Variants in KIAA1586 observed in about 807,000 individuals in gnomAD.
The protein encoded by KIAA1586 is KIAA1586.
Under a neutral mutation model 6.1 loss-of-function variants are expected in KIAA1586, and 5 were observed. That is an observed-to-expected ratio of 0.82 (90% CI 0.43 to 1.73). The LOEUF is 1.73. Among genes scored for constraint, KIAA1586 ranks in the 40% most tolerant of loss-of-function variants. The probability of loss-of-function intolerance (pLI) is 0.02; values close to 1 mark genes in which losing one functional copy is unlikely to be tolerated. For missense variants in KIAA1586, 899 were observed against 878.2 expected (o/e 1.02, Z -0.30); for synonymous variants, 280 against 301.7 (o/e 0.93, Z 0.75).
chr6:57,056,562 G>T, downstream of KIAA1586, among the ~76,000 whole-genome samples: 1 of 150,136 alleles, frequency 6.7e-6, no homozygotes, highest in Non-Finnish European at 1.5e-5. Context: ...TTTTTGGATG[G>T]GAGAGGGGAG....
Position 57,054,072 on chromosome 6 carries a change from G to C in KIAA1586, c.1573G>C (p.Asp525His). Residue 525 changes from aspartate (D) to histidine (H), a missense_variant, in exon 4 of 4, where the codon GAC becomes CAC. Asp to His is a moderately conservative substitution (Grantham distance 81). Coordinates refer to ENST00000370733, the MANE Select transcript of KIAA1586 (RefSeq NM_020931.4). ...KRLANINFLQ[D>H]LALMIDILEE... ...ATTAGCTAACATTAATTTCTTACAA[G>C]ACCTTGCTTTAATGATTGACATTCT... is the stretch of plus-strand genomic sequence containing the variant. The C allele has an allele frequency of 6.2e-7, 1 of 1,610,958 alleles. No individual in the cohort carries two copies. The highest frequency in any genetic ancestry group is 1.3e-5 in the African/African-American group (1 of 74,864).
the KIAA1586 span, among the ~76,000 whole-genome samples, chr6:57,061,864 A>G: frequency 6.6e-6 from 1 of 152,036 alleles, no homozygotes; most frequent in Admixed American, 6.5e-5. Flanking sequence ...CAAAACATAG[A>G]GGTGAAAAAG....
the KIAA1586 span, among the ~76,000 whole-genome samples, chr6:57,060,427 AT>A: frequency 6.6e-6 from 1 of 152,172 alleles, no homozygotes; most frequent in African/African-American, 2.4e-5. Context: ...GAATGTTGGG[AT>A]GTGAGCTTTT....
Position 57,051,823 on chromosome 6 carries a change from A to G in KIAA1586, c.187-863A>G, listed in dbSNP as rs564708208. Among the ~76,000 whole-genome samples, 46 of 152,190 alleles carry G rather than the reference A, an allele frequency of 3.0e-4. 1 individual carries two copies. Among genetic ancestry groups the G allele is most frequent in the Non-Finnish European group, 6.0e-4 (41 of 68,012 alleles). ...GTGGTGCATGCCTATAGTCCCAACT[A>G]ATTAGCCAGGTGTCGTGGCACGTGC... is the stretch of plus-strand genomic sequence containing the variant. On this transcript the variant is annotated intron_variant, in intron 3 of 3. Coordinates refer to ENST00000370733, the MANE Select transcript of KIAA1586 (RefSeq NM_020931.4).
At chr6:57,061,427 C>G in the KIAA1586 span, among the ~76,000 whole-genome samples, 1 of 152,138 alleles carries the variant, frequency 6.6e-6, no homozygotes, top group East Asian at 1.9e-4. Context: ...GGGTCTTACT[C>G]TGTTGCCCAG....
downstream of KIAA1586, among the ~76,000 whole-genome samples, chr6:57,058,547 G>A (rs1029379255): frequency 6.6e-6 from 1 of 152,094 alleles, no homozygotes; most frequent in South Asian, 2.1e-4. Context: ...AATAATCAAA[G>A]ACCAAAAATG....
downstream of KIAA1586, among the ~76,000 whole-genome samples, chr6:57,056,400 G>A (rs1828499251): frequency 6.6e-6 from 1 of 151,246 alleles, no homozygotes; most frequent in South Asian, 2.1e-4. Flanking sequence ...ATAGAGACGG[G>A]GTTCCACCTT....
At position 57,054,615 on chromosome 6, in the gene KIAA1586, G is replaced by A. The variant is rs1447562963; in HGVS notation, c.2116G>A (p.Glu706Lys). The stretch of plus-strand genomic sequence containing the variant: ...TAGCACCATTGCAATCAATAGTGCT[G>A]AAGCTGAAAGGGGTTTCAATTTAAT... ...IVSTIAINSA[E>K]AERGFNLMNI... Residue 706 changes from glutamate (E) to lysine (K), a missense_variant, in exon 4 of 4, where the codon GAA becomes AAA. By Grantham distance (56) the Glu-to-Lys change is moderately conservative. Coordinates refer to ENST00000370733, the MANE Select transcript of KIAA1586 (RefSeq NM_020931.4). The A allele has an allele frequency of 6.3e-7, 1 of 1,599,282 alleles. No individual in the cohort carries two copies. Among genetic ancestry groups the A allele is most frequent in the Non-Finnish European group, 8.5e-7 (1 of 1,170,768 alleles).
chr6:57,058,980 T>G (rs1006626062), downstream of KIAA1586, among the ~76,000 whole-genome samples: 1 of 152,152 alleles, frequency 6.6e-6, no homozygotes, highest in Non-Finnish European at 1.5e-5. Flanking sequence ...TTGAAAAAGA[T>G]GAATGGGATT....
At position 57,053,682 on chromosome 6, in the gene KIAA1586, A is replaced by G; in HGVS notation, c.1183A>G (p.Ile395Val). The G allele has an allele frequency of 1.2e-6, 2 of 1,611,506 alleles. No homozygotes were observed. The highest frequency in any genetic ancestry group is 1.7e-6 in the Non-Finnish European group (2 of 1,178,146). The change falls in exon 4 of 4, where the codon ATC (isoleucine) becomes GTC (valine). Residue 395 changes from isoleucine (I) to valine (V), a missense_variant. By Grantham distance (29) the Ile-to-Val change is conservative. Transcript: ENST00000370733. ...IAFCSDGANT[I>V]LGRKSGVATK... ...ATTTTGTTCTGATGGTGCTAATACA[A>G]TCCTGGGAAGAAAGTCTGGAGTAGC...
rs1276491896 is a variant in KIAA1586, at chr6:57,055,190, A to G, written c.*327A>G. ...AGCTAAGTTCTAAGCCCTGGAGGTT[A>G]TATTAAATAAAAGAGAAATGGAATA... On this transcript the variant is annotated 3_prime_UTR_variant, in exon 4 of 4. Coordinates refer to ENST00000370733, the MANE Select transcript of KIAA1586 (RefSeq NM_020931.4). 1.8e-5 allele frequency: 3 copies of G among 163,534 alleles called. No individual in the cohort carries two copies. Among genetic ancestry groups the G allele is most frequent in the Admixed American group, 1.8e-4 (3 of 16,536 alleles). 10.1% of individuals were successfully genotyped at this position (163,534 alleles called of 1,614,324 possible). A position where few individuals can be genotyped will look rare whatever the true frequency, so the allele number is the denominator to read the frequency against.
Position 57,054,012 on chromosome 6 carries a change from C to T in KIAA1586, c.1513C>T (p.His505Tyr), listed in dbSNP as rs772833430. 6.2e-7 allele frequency: 1 copy of T among 1,609,352 alleles called. No homozygotes were observed. The highest frequency in any genetic ancestry group is 2.2e-5 in the East Asian group (1 of 44,824). ...VWHAYPILYMHFSHSYSGLAK... is the reference protein window; with the variant it reads ...VWHAYPILYMYFSHSYSGLAK... ...GCATGCATATCCTATATTATATATGCATTTTTCTCATTCTTACTCTGGTTT... is the reference window on the plus strand; with the variant it reads ...GCATGCATATCCTATATTATATATGTATTTTTCTCATTCTTACTCTGGTTT... Residue 505 changes from histidine (H) to tyrosine (Y), a missense_variant, in exon 4 of 4, where the codon CAT becomes TAT. By Grantham distance (83) the His-to-Tyr change is moderately conservative. Transcript: ENST00000370733.
chr6:57,052,764 G>A lies in KIAA1586; in HGVS notation c.265G>A (p.Glu89Lys). 6.2e-7 allele frequency: 1 copy of A among 1,610,140 alleles called. No individual in the cohort carries two copies. Among genetic ancestry groups the A allele is most frequent in the Non-Finnish European group, 8.5e-7 (1 of 1,178,254 alleles). The change falls in exon 4 of 4, where the codon GAA becomes AAA. Residue 89 changes from glutamate to lysine, a missense_variant. Glu to Lys is a moderately conservative substitution (Grantham distance 56). Coordinates refer to ENST00000370733, the MANE Select transcript of KIAA1586 (RefSeq NM_020931.4). Reference protein sequence around the residue: ...LNVKKVKTDTENNEVSKNHCR... With the variant: ...LNVKKVKTDTKNNEVSKNHCR... ...TGTGAAGAAGGTGAAAACAGACACA[G>A]AAAATAATGAAGTGAGCAAAAATCA...
the KIAA1586 span, among the ~76,000 whole-genome samples, chr6:57,066,063 G>C: frequency 1.3e-5 from 2 of 151,594 alleles, no homozygotes; most frequent in Non-Finnish European, 2.9e-5. Context: ...CATCACTTGA[G>C]GTCAGGAGTT....
rs761434486 is a variant in KIAA1586, at chr6:57,053,904, C to G, written c.1405C>G (p.Leu469Val). The change falls in exon 4 of 4, where the codon CTT (leucine) becomes GTT (valine). Residue 469 changes from leucine to valine, a missense_variant. By Grantham distance (32) the Leu-to-Val change is conservative. Transcript: ENST00000370733. ...TKLLGTVAKE[L>V]ETEIIKIGRV... ...GCTTCTAGGAACTGTAGCTAAAGAACTTGAAACTGAAATTATTAAAATTGG... is the reference window on the plus strand; with the variant it reads ...GCTTCTAGGAACTGTAGCTAAAGAAGTTGAAACTGAAATTATTAAAATTGG... 1 of 1,581,340 alleles carries G rather than the reference C, an allele frequency of 6.3e-7. No individual in the cohort carries two copies. The highest frequency in any genetic ancestry group is 1.2e-5 in the South Asian group (1 of 83,628).
At chr6:57,052,619 G>A in intron 3 of KIAA1586, 67 bp from the exon 4 acceptor site, 4 of 1,264,582 alleles carry the variant, frequency 3.2e-6, no homozygotes, top group South Asian at 2.0e-5. Context: ...TAATCACTAA[G>A]AGAACTTTTT....
In KIAA1586 at chr6:57,054,829, A is replaced by T; in HGVS notation, c.2330A>T (p.His777Leu). The stretch of plus-strand genomic sequence containing the variant: ...CGGCAAAAGTCAACAAAAGTCTTCC[A>T]TGAGAATCAATTGGCTATATGGAAC... Reference protein sequence around the residue: ...RVRQKSTKVFHENQLAIWNLK With the variant: ...RVRQKSTKVFLENQLAIWNLK Residue 777 changes from histidine to leucine, a missense_variant, in exon 4 of 4, where the codon CAT (histidine) becomes CTT (leucine). Coordinates refer to ENST00000370733, the MANE Select transcript of KIAA1586 (RefSeq NM_020931.4). 1 of 1,550,756 alleles carries T rather than the reference A, an allele frequency of 6.4e-7. No individual in the cohort carries two copies. Among genetic ancestry groups the T allele is most frequent in the Non-Finnish European group, 8.7e-7 (1 of 1,146,404 alleles).
At chr6:57,052,379 A>T (rs2127909133) in intron 3 of KIAA1586, among the ~76,000 whole-genome samples, 1 of 152,202 alleles carries the variant, frequency 6.6e-6, no homozygotes, top group African/African-American at 2.4e-5. Flanking sequence ...GCATGGGAGG[A>T]TTTTGGTATG....
chr6:57,062,405 G>A, the KIAA1586 span, among the ~76,000 whole-genome samples: 1 of 152,142 alleles, frequency 6.6e-6, no homozygotes, highest in South Asian at 2.1e-4. Context: ...ATTCTCAACT[G>A]TGACTAATCA....
Sources: allele counts gnomAD v4.1 joint callset (sites outside exome capture counted in the v4.1 genomes callset), GRCh38; gene constraint gnomAD v4.1.1; transcripts MANE v1.5; gene names NCBI Gene and HGNC (gene_info 2026-07-23, HGNC 2026-07-21).